The following CEP70 variants were observed in gnomAD, a reference collection of about 807,000 sequenced individuals.
The protein encoded by CEP70 is centrosomal protein 70, also known as centrosomal protein of 70 kDa.
A neutral mutation model predicts 90.9 loss-of-function variants in CEP70; 70 were observed. That is an observed-to-expected ratio of 0.77 (90% CI 0.64 to 0.94). The LOEUF is 0.94. CEP70 is among the 40% of genes least tolerant of loss of function. CEP70 has a pLI of 0.00. For synonymous variants in CEP70, 220 were observed against 228.3 expected (o/e 0.96, Z 0.33); for missense variants, 648 against 669.0 (o/e 0.97, Z 0.35).
chr3:138,574,985 A>G (rs1474631210), intron 2 of CEP70, among the ~76,000 whole-genome samples: 5 of 152,220 alleles, frequency 3.3e-5, no homozygotes, highest in Admixed American at 2.0e-4. Context: ...AAAACTACAA[A>G]GATGGGGAGA....
chr3:138,527,460 C>T (rs1307802170), intron 10 of CEP70, among the ~76,000 whole-genome samples: 4 of 151,624 alleles, frequency 2.6e-5, no homozygotes, highest in African/African-American at 7.3e-5. Flanking sequence ...TTTGGGAGGC[C>T]GAGGCGGGCG....
chr3:138,538,661 A>G (rs2038493807), intron 6 of CEP70, among the ~76,000 whole-genome samples: 1 of 152,236 alleles, frequency 6.6e-6, no homozygotes, highest in Non-Finnish European at 1.5e-5. Context: ...ACAGATGGAA[A>G]AAGGAGCCAG....
chr3:138,558,063 T>C (rs2040147171), intron 6 of CEP70, among the ~76,000 whole-genome samples: 1 of 152,064 alleles, frequency 6.6e-6, no homozygotes, highest in South Asian at 2.1e-4. Flanking sequence ...GGACCATGAT[T>C]CTGGAGAAAA....
chr3:138,524,650 G>A (rs371704075), intron 11 of CEP70, among the ~76,000 whole-genome samples: 1 of 152,092 alleles, frequency 6.6e-6, no homozygotes, highest in African/African-American at 2.4e-5. Context: ...GCAGCCAAAA[G>A]ACACGTGAAA....
intron 10 of CEP70, among the ~76,000 whole-genome samples, chr3:138,527,130 G>A (rs2037333025): frequency 1.3e-5 from 2 of 152,096 alleles, no homozygotes. Flanking sequence ...AGGGGCAGGA[G>A]GGATTACAAA....
chr3:138,545,774 C>T (rs920630570), intron 6 of CEP70, among the ~76,000 whole-genome samples: 3 of 152,036 alleles, frequency 2.0e-5, no homozygotes, highest in Non-Finnish European at 4.4e-5. Flanking sequence ...CTGTCTTATG[C>T]GGTTGAGATA....
chr3:138,520,454 G>C (rs1489337212), intron 11 of CEP70, among the ~76,000 whole-genome samples: 1 of 152,094 alleles, frequency 6.6e-6, no homozygotes, highest in Non-Finnish European at 1.5e-5. Flanking sequence ...CTCAGCAAAT[G>C]TAAAAGAATA....
chr3:138,524,026 T>G (rs56071208), intron 11 of CEP70, among the ~76,000 whole-genome samples: 13,585 of 65,036 alleles, frequency 0.21, 2,372 homozygotes, highest in African/African-American at 0.41. Flanking sequence ...CCAAAACAGA[T>G]ACATAGAACA....
chr3:138,581,487 T>C (rs2041852142), intron 2 of CEP70, among the ~76,000 whole-genome samples: 1 of 151,560 alleles, frequency 6.6e-6, no homozygotes, highest in South Asian at 2.1e-4. Context: ...GTGGATCACC[T>C]GTAGTCAGGA....
At chr3:138,586,479 G>GTAAT (rs2042111499) in intron 2 of CEP70, among the ~76,000 whole-genome samples, 1 of 152,172 alleles carries the variant, frequency 6.6e-6, no homozygotes. Flanking sequence ...ATACATAATG[G>GTAAT]AGTACTACTC....
At chr3:138,539,990 G>A (rs2107835359) in intron 6 of CEP70, among the ~76,000 whole-genome samples, 1 of 152,306 alleles carries the variant, frequency 6.6e-6, no homozygotes, top group Admixed American at 6.5e-5. Flanking sequence ...AAACTTAAGA[G>A]CTTCTGCATA....
intron 8 of CEP70, chr3:138,530,851 T>A: frequency 1.0e-6 from 1 of 984,878 alleles, no homozygotes; most frequent in Non-Finnish European, 1.2e-6. Flanking sequence ...TGCCAGAATC[T>A]CACTTTCAAG....
Position 138,554,720 on chromosome 3 carries a change from AAAAAT to A in CEP70, c.465+15593_465+15597del, listed in dbSNP as rs1320918303. On this transcript the variant is annotated intron_variant, in intron 6 of 17. Coordinates refer to ENST00000264982, the MANE Select transcript of CEP70 (RefSeq NM_024491.4). ...TCAATAACTCAATCCCTTTTACTGTAAAAATAAAATAAAGTACTTAAGAATATACC... is the reference window on the plus strand; with the variant it reads ...TCAATAACTCAATCCCTTTTACTGTAAAAATAAAGTACTTAAGAATATACC... Among the ~76,000 whole-genome samples the A allele has an allele frequency of 2.6e-5, 4 of 152,340 alleles. No homozygotes were observed. In the East Asian group the frequency reaches 7.7e-4, roughly 29 times the overall value.
At chr3:138,502,635 A>C (rs978063889) in intron 13 of CEP70, among the ~76,000 whole-genome samples, 21 of 152,184 alleles carry the variant, frequency 1.4e-4, no homozygotes, top group African/African-American at 5.1e-4. Context: ...TATGGTAAAA[A>C]GCATACCCAA....
chr3:138,554,535 T>A (rs532645857), intron 6 of CEP70, among the ~76,000 whole-genome samples: 2 of 152,270 alleles, frequency 1.3e-5, no homozygotes, highest in East Asian at 3.9e-4. Context: ...ACTACTGCTG[T>A]TCACTGGCAA....
Position 138,517,794 on chromosome 3 carries a change from G to A in CEP70, c.944+7696C>T, listed in dbSNP as rs137990424. Reference sequence around the variant, plus strand: ...GGGTGATTTCTGCATTTCCAACTGAGGTACGAGGTTCATCTCACTGGGGAG... The same window carrying A: ...GGGTGATTTCTGCATTTCCAACTGAAGTACGAGGTTCATCTCACTGGGGAG... On this transcript the variant is annotated intron_variant, in intron 11 of 17. Coordinates refer to ENST00000264982, the MANE Select transcript of CEP70 (RefSeq NM_024491.4). Among the ~76,000 whole-genome samples, 722 of 152,356 alleles carry A rather than the reference G, an allele frequency of 4.7e-3. 4 individuals are homozygous for A. The highest frequency in any genetic ancestry group is 0.017 in the African/African-American group (695 of 41,582).
Position 138,500,766 on chromosome 3 carries a change from G to A in CEP70, c.1337C>T (p.Thr446Ile). 1.2e-6 allele frequency: 2 copies of A among 1,602,398 alleles called. No homozygotes were observed. The highest frequency in any genetic ancestry group is 1.1e-5 in the South Asian group (1 of 88,626). ...CTTATTTTCAACTTCTTCCAGCATA[G>A]TATCTACTATAAACAACAAATCTTC... ...KVEDLLFIVD[T>I]MLEEVENKEK... Residue 446 changes from threonine to isoleucine, a missense_variant, in exon 14 of 18, where the codon ACT becomes ATT. By Grantham distance (89) the Thr-to-Ile change is moderately conservative. Coordinates refer to ENST00000264982, the MANE Select transcript of CEP70 (RefSeq NM_024491.4).
chr3:138,557,843 G>A lies in CEP70; in HGVS notation c.465+12475C>T, dbSNP rs1673596. On this transcript the variant is annotated intron_variant, in intron 6 of 17. Transcript: ENST00000264982. ...AAAGAAATAAGACATAACAGATCAA[G>A]CCCACAAAGAACATCCAATATTAGA... is the stretch of plus-strand genomic sequence containing the variant. Among the ~76,000 whole-genome samples the A allele has an allele frequency of 8.4e-3, 1,274 of 152,084 alleles. 28 individuals carry two copies. Among genetic ancestry groups the A allele is most frequent in the African/African-American group, 0.029 (1,187 of 41,480 alleles).
chr3:138,565,744 C>T (rs1040101489), intron 6 of CEP70, among the ~76,000 whole-genome samples: 1 of 152,152 alleles, frequency 6.6e-6, no homozygotes, highest in Non-Finnish European at 1.5e-5. Context: ...CTAGGCAATA[C>T]CACTGAGGAC....
Sources: gnomAD v4.1 joint callset for allele counts (sites outside exome capture counted in the v4.1 genomes callset) on GRCh38, gnomAD v4.1.1 for gene constraint, MANE v1.5 for transcripts, NCBI Gene and HGNC (gene_info 2026-07-23, HGNC 2026-07-21) for gene names.